AHCYL2: variants seen among roughly 807,000 people sequenced by gnomAD.
AHCYL2 encodes the protein adenosylhomocysteinase like 2.
Under a neutral mutation model 81.4 loss-of-function variants are expected in AHCYL2, and 28 were observed. The ratio of observed to expected loss-of-function variants is 0.34; its 90% CI spans 0.25 to 0.47. AHCYL2 has a LOEUF of 0.47. AHCYL2 is among the 20% of genes least tolerant of loss of function. The pLI is 1.00. For missense variants in AHCYL2, 551 were observed against 785.1 expected, an observed-to-expected ratio of 0.70 and a Z score of 3.56; for synonymous variants, 272 against 290.2, an observed-to-expected ratio of 0.94 and a Z score of 0.64.
chr7:129,249,040 C>G (rs934630128), intron 1 of AHCYL2, among the ~76,000 whole-genome samples: 1 of 150,362 alleles, frequency 6.7e-6, no homozygotes, highest in African/African-American at 2.5e-5. Flanking sequence ...CTTCCTCACC[C>G]AGGCTGGAGT....
intron 1 of AHCYL2, among the ~76,000 whole-genome samples, chr7:129,305,296 C>T (rs1197361247): frequency 6.6e-6 from 1 of 152,080 alleles, no homozygotes; most frequent in Non-Finnish European, 1.5e-5. Context: ...CCCGTCTCTA[C>T]TAAAAATACA....
At chr7:129,405,071 T>C in intron 7 of AHCYL2, 26 bp from the exon 8 acceptor site, 1 of 1,503,838 alleles carries the variant, frequency 6.6e-7, no homozygotes, top group Non-Finnish European at 9.0e-7. Flanking sequence ...CTGGTGTTTT[T>C]TGTTCTTGGC....
chr7:129,312,341 C>T (rs552540255), intron 1 of AHCYL2, among the ~76,000 whole-genome samples: 2 of 152,336 alleles, frequency 1.3e-5, no homozygotes, highest in East Asian at 3.9e-4. Flanking sequence ...CTGCTTCAGC[C>T]TCCCAAAGTG....
chr7:129,401,475 T>C (rs1173575769), intron 6 of AHCYL2, among the ~76,000 whole-genome samples: 1 of 152,224 alleles, frequency 6.6e-6, no homozygotes, highest in Non-Finnish European at 1.5e-5. Context: ...GTCCAACCAT[T>C]GCTTGCTGCT....
chr7:129,328,493 T>G (rs546484980), intron 1 of AHCYL2, among the ~76,000 whole-genome samples: 77 of 151,106 alleles, frequency 5.1e-4, no homozygotes, highest in African/African-American at 1.6e-3. Flanking sequence ...TTGTTTTTTG[T>G]TTTTTTTGTG....
intron 1 of AHCYL2, among the ~76,000 whole-genome samples, chr7:129,255,589 TGTGTGCGTGCGCACGC>T (rs1795389873): frequency 6.6e-6 from 1 of 152,262 alleles, no homozygotes. Context: ...TGTATGTGCG[TGTGTGCGTGCGCACGC>T]GCATGTTTAG....
intron 1 of AHCYL2, among the ~76,000 whole-genome samples, chr7:129,255,556 A>G (rs748023333): frequency 1.3e-5 from 2 of 152,134 alleles, no homozygotes; most frequent in African/African-American, 4.8e-5. Flanking sequence ...CACGTCATCT[A>G]TTTACATGAA....
At chr7:129,271,559 A>G (rs1340766775) in intron 1 of AHCYL2, among the ~76,000 whole-genome samples, 1 of 152,108 alleles carries the variant, frequency 6.6e-6, no homozygotes, top group Non-Finnish European at 1.5e-5. Context: ...ATGTTGAAGG[A>G]AGGAAGCCAG....
chr7:129,383,473 A>G (rs1172430408), intron 2 of AHCYL2, among the ~76,000 whole-genome samples: 1 of 152,076 alleles, frequency 6.6e-6, no homozygotes, highest in Non-Finnish European at 1.5e-5. Context: ...AGACATCTCA[A>G]ACCTCCCATG....
intron 1 of AHCYL2, among the ~76,000 whole-genome samples, chr7:129,247,209 A>C (rs1296971496): frequency 6.6e-6 from 1 of 152,144 alleles, no homozygotes; most frequent in Non-Finnish European, 1.5e-5. Context: ...TGAATGTTTC[A>C]TTTTCTTTAC....
intron 1 of AHCYL2, among the ~76,000 whole-genome samples, chr7:129,322,792 G>A (rs905648825): frequency 1.3e-5 from 2 of 152,054 alleles, no homozygotes; most frequent in African/African-American, 2.4e-5. Context: ...GTTTTGCCAG[G>A]TTGCTCGGGC....
chr7:129,355,820 T>C (rs1170113237), intron 1 of AHCYL2, among the ~76,000 whole-genome samples: 1 of 152,194 alleles, frequency 6.6e-6, no homozygotes, highest in African/African-American at 2.4e-5. Flanking sequence ...ATTATGGTTA[T>C]GTTTGATTGA....
chr7:129,289,789 C>CT (rs550826156), intron 1 of AHCYL2, among the ~76,000 whole-genome samples: 18,012 of 145,720 alleles, frequency 0.12, 1,420 homozygotes, highest in African/African-American at 0.24. Flanking sequence ...TTCTTTCTTT[C>CT]TTTTTTTTTT....
chr7:129,414,352 T>G (rs1384291824), intron 12 of AHCYL2, among the ~76,000 whole-genome samples: 1 of 152,124 alleles, frequency 6.6e-6, no homozygotes, highest in Non-Finnish European at 1.5e-5. Context: ...CACCCTAAAA[T>G]TTTCCAATCC....
intron 1 of AHCYL2, among the ~76,000 whole-genome samples, chr7:129,334,975 T>A (rs758649457): frequency 6.6e-6 from 1 of 152,266 alleles, no homozygotes; most frequent in Admixed American, 6.5e-5. Context: ...ATCTATATTC[T>A]GTTAATGATT....
chr7:129,255,595 C>T (rs537845882), intron 1 of AHCYL2, among the ~76,000 whole-genome samples: 20 of 152,188 alleles, frequency 1.3e-4, no homozygotes, highest in Non-Finnish European at 2.8e-4. Context: ...TGCGTGTGTG[C>T]GTGCGCACGC....
rs1397641720 is a variant in AHCYL2, at chr7:129,258,230, A to G, written c.363+32791A>G. 4.5e-5 allele frequency among the ~76,000 whole-genome samples: 6 copies of G among 131,944 alleles called. No individual in the cohort carries two copies. The East Asian group carries it at 1.4e-3, about 30-fold the overall frequency. The allele number at this position is 131,944 out of a possible 152,430, so 86.6% of individuals were successfully genotyped here. A position where few individuals can be genotyped will look rare whatever the true frequency, so the allele number is the denominator to read the frequency against. ...AAGTAAATCAGATTCACAGTTCTCAATTTTTTTTTTTTTTTGCCTTTAAAA... is the reference window on the plus strand; with the variant it reads ...AAGTAAATCAGATTCACAGTTCTCAGTTTTTTTTTTTTTTTGCCTTTAAAA... On this transcript the variant is annotated intron_variant, in intron 1 of 16. Transcript: ENST00000325006.
intron 1 of AHCYL2, among the ~76,000 whole-genome samples, chr7:129,279,576 C>T (rs536790495): frequency 6.6e-6 from 1 of 152,158 alleles, no homozygotes; most frequent in South Asian, 2.1e-4. Flanking sequence ...GTGGTGAGTC[C>T]ACAGAGTAAA....
At chr7:129,249,275 G>A (rs1455435497) in intron 1 of AHCYL2, among the ~76,000 whole-genome samples, 1 of 152,078 alleles carries the variant, frequency 6.6e-6, no homozygotes, top group African/African-American at 2.4e-5. Context: ...TGGGATTACA[G>A]ACATGAGCTG....
Sources: gnomAD v4.1 joint callset for allele counts (sites outside exome capture counted in the v4.1 genomes callset) on GRCh38, gnomAD v4.1.1 for gene constraint, MANE v1.5 for transcripts, NCBI Gene and HGNC (gene_info 2026-07-23, HGNC 2026-07-21) for gene names.